NKAIN3: variants seen among roughly 807,000 people sequenced by gnomAD.
NKAIN3 encodes sodium/potassium-transporting ATPase subunit beta-1-interacting protein 3.
Under a neutral mutation model 30.2 loss-of-function variants are expected in NKAIN3, and 25 were observed. The observed-to-expected ratio is 0.83, with a 90% CI of 0.60 to 1.16. The LOEUF (loss-of-function observed/expected upper bound fraction) is 1.16. Among genes scored for constraint, NKAIN3 ranks in the 50% most tolerant of loss-of-function variants. NKAIN3 has a pLI of 0.00. For missense variants in NKAIN3, 225 were observed against 254.1 expected (o/e 0.89, Z 0.78); for synonymous variants, 91 against 89.6 (o/e 1.02, Z -0.09).
At chr8:62,903,760 T>C (rs1410768640) in intron 4 of NKAIN3, among the ~76,000 whole-genome samples, 1 of 152,148 alleles carries the variant, frequency 6.6e-6, no homozygotes, top group Non-Finnish European at 1.5e-5. Context: ...TTCATCATGG[T>C]TGGGGCAGAC....
intron 1 of NKAIN3, among the ~76,000 whole-genome samples, chr8:62,532,178 G>T (rs1585914204): frequency 6.6e-6 from 1 of 152,090 alleles, no homozygotes; most frequent in East Asian, 1.9e-4. Flanking sequence ...TTGTCCATGA[G>T]AAATGAGATG....
At chr8:62,856,356 G>T (rs921198114) in intron 4 of NKAIN3, 7 of 878,674 alleles carry the variant, frequency 8.0e-6, no homozygotes, top group Admixed American at 3.4e-5. Flanking sequence ...TTGCTTCCTG[G>T]TCTCCTTGGA....
At chr8:62,726,610 T>C (rs1355321633) in intron 3 of NKAIN3, among the ~76,000 whole-genome samples, 2 of 152,064 alleles carry the variant, frequency 1.3e-5, no homozygotes, top group African/African-American at 4.8e-5. Flanking sequence ...TTGGTTTGCA[T>C]ATATTGAACT....
At position 62,322,745 on chromosome 8, in the gene NKAIN3, A is replaced by G. The variant is rs150863124; in HGVS notation, c.54+73618A>G. Among the ~76,000 whole-genome samples the G allele has an allele frequency of 1.1e-3, 169 of 152,326 alleles. 1 individual carries two copies. The highest frequency in any genetic ancestry group is 1.8e-3 in the Non-Finnish European group (121 of 68,026). On this transcript the variant is annotated intron_variant, in intron 1 of 6. Transcript: ENST00000623646. ...CTATTTAAATTGGATCATGCTACAGATGGGGACAAAACATTTGCTGACAAA... is the reference window on the plus strand; with the variant it reads ...CTATTTAAATTGGATCATGCTACAGGTGGGGACAAAACATTTGCTGACAAA...
rs1331019866 is a variant in NKAIN3, at chr8:62,978,382, G to A, written c.*12975G>A. On this transcript the variant is annotated 3_prime_UTR_variant, in exon 7 of 7. Transcript: ENST00000623646. ...GTTTTATCTATAAGCCCCTGACTAGGGCTACTGGCTTTCTTTCAGAGATGC... is the reference window on the plus strand; with the variant it reads ...GTTTTATCTATAAGCCCCTGACTAGAGCTACTGGCTTTCTTTCAGAGATGC... 2 of 152,438 alleles carry A rather than the reference G, an allele frequency of 1.3e-5. No homozygotes were observed. The highest frequency in any genetic ancestry group is 3.9e-4 in the East Asian group (2 of 5,182). The allele number at this position is 152,438 out of a possible 1,614,324, so 9.4% of individuals were successfully genotyped here.
chr8:62,901,331 T>A (rs1821607780), intron 4 of NKAIN3, among the ~76,000 whole-genome samples: 1 of 152,164 alleles, frequency 6.6e-6, no homozygotes, highest in Non-Finnish European at 1.5e-5. Flanking sequence ...GGAGCAGTGG[T>A]GTGGGCCTCC....
intron 4 of NKAIN3, among the ~76,000 whole-genome samples, chr8:62,798,511 G>A (rs779867335): frequency 2.0e-5 from 3 of 152,042 alleles, no homozygotes; most frequent in Non-Finnish European, 2.9e-5. Flanking sequence ...GGCGGAGCTT[G>A]CAGTGAGCTG....
intron 1 of NKAIN3, among the ~76,000 whole-genome samples, chr8:62,435,297 A>G (rs1805133556): frequency 6.6e-6 from 1 of 152,110 alleles, no homozygotes. Flanking sequence ...TTTCTGACTC[A>G]TAGCAGCATC....
chr8:62,474,027 CTTG>C (rs1272690316), intron 1 of NKAIN3: 6 of 152,148 alleles, frequency 3.9e-5, no homozygotes, highest in Non-Finnish European at 7.3e-5. Flanking sequence ...TCTTGAGAGA[CTTG>C]TTGTCCTCAT....
At chr8:62,779,376 T>TA (rs1375176910) in intron 4 of NKAIN3, among the ~76,000 whole-genome samples, 2 of 152,122 alleles carry the variant, frequency 1.3e-5, no homozygotes, top group Non-Finnish European at 1.5e-5. Flanking sequence ...TGCCAGAACC[T>TA]AAGTTCTGAC....
chr8:62,352,473 G>C (rs916693630), intron 1 of NKAIN3, among the ~76,000 whole-genome samples: 1 of 152,082 alleles, frequency 6.6e-6, no homozygotes, highest in African/African-American at 2.4e-5. Flanking sequence ...GGGAGTTATG[G>C]AGCCAATGAA....
intron 1 of NKAIN3, among the ~76,000 whole-genome samples, chr8:62,531,327 A>G (rs1808484399): frequency 6.6e-6 from 1 of 151,982 alleles, no homozygotes; most frequent in African/African-American, 2.4e-5. Context: ...AAAACCCCAC[A>G]CTCTACTAAA....
At chr8:62,430,366 GGTGTGTGTGTGTGTGT>G (rs59837325) in intron 1 of NKAIN3, among the ~76,000 whole-genome samples, 3 of 142,564 alleles carry the variant, frequency 2.1e-5, no homozygotes, top group South Asian at 2.3e-4. Flanking sequence ...TATATATTGT[GGTGTGTGTGTGTGTGT>G]GTGTGTGTGT....
chr8:62,914,599 G>A (rs1822024941), intron 4 of NKAIN3, among the ~76,000 whole-genome samples: 2 of 152,118 alleles, frequency 1.3e-5, no homozygotes, highest in South Asian at 2.1e-4. Context: ...ATTGATGATC[G>A]TAGTTTTCTC....
intron 4 of NKAIN3, among the ~76,000 whole-genome samples, chr8:62,781,382 A>G (rs1304032956): frequency 6.6e-6 from 1 of 151,502 alleles, no homozygotes; most frequent in Non-Finnish European, 1.5e-5. Context: ...TGCAATCTTT[A>G]TCAAATTGAC....
At chr8:62,475,444 C>G (rs936351861) in intron 1 of NKAIN3, among the ~76,000 whole-genome samples, 2 of 152,150 alleles carry the variant, frequency 1.3e-5, no homozygotes, top group African/African-American at 4.8e-5. Flanking sequence ...CTGTTCCAGA[C>G]TTTTTTTCAA....
Position 62,970,332 on chromosome 8 carries a change from A to G in NKAIN3, c.*4925A>G, listed in dbSNP as rs1308214207. Among the ~76,000 whole-genome samples, 1 of 152,162 alleles carries G rather than the reference A, an allele frequency of 6.6e-6. No homozygotes were observed. The highest frequency in any genetic ancestry group is 1.5e-5 in the Non-Finnish European group (1 of 68,024). ...AAAAAATTCAAAAGTTATGGGTAGCATCTCTTTTTCATCTGAAAAAGCTTA... is the reference window on the plus strand; with the variant it reads ...AAAAAATTCAAAAGTTATGGGTAGCGTCTCTTTTTCATCTGAAAAAGCTTA... On this transcript the variant is annotated 3_prime_UTR_variant, in exon 7 of 7. Transcript: ENST00000623646.
At chr8:62,831,295 G>A (rs73256996) in intron 4 of NKAIN3, among the ~76,000 whole-genome samples, 4,048 of 152,092 alleles carry the variant, frequency 0.027, 179 homozygotes, top group African/African-American at 0.092. Context: ...CAGATGAGAC[G>A]GAACCAGCAC....
chr8:62,372,498 T>G (rs192819608), intron 1 of NKAIN3, among the ~76,000 whole-genome samples: 36 of 152,120 alleles, frequency 2.4e-4, no homozygotes, highest in African/African-American at 8.4e-4. Context: ...GTGAATACCT[T>G]TAGACATTCA....
Sources: allele counts gnomAD v4.1 joint callset (sites outside exome capture counted in the v4.1 genomes callset), GRCh38; gene constraint gnomAD v4.1.1; transcripts MANE v1.5; gene names NCBI Gene and HGNC (gene_info 2026-07-23, HGNC 2026-07-21).